CDC42BPA: variants seen among roughly 807,000 people sequenced by gnomAD.
CDC42BPA encodes serine/threonine-protein kinase MRCK alpha.
In CDC42BPA, 80 loss-of-function variants were observed where a neutral mutation model predicts 223.5. The ratio of observed to expected loss-of-function variants is 0.36; its 90% CI spans 0.30 to 0.43. The LOEUF (loss-of-function observed/expected upper bound fraction) is 0.43. Ranked by LOEUF, CDC42BPA falls within the 20% of genes least tolerant of loss-of-function variation. The pLI, the probability that CDC42BPA is intolerant of heterozygous loss-of-function variation, is 1.00. For missense variants in CDC42BPA, 1,743 were observed against 2,099.9 expected, an observed-to-expected ratio of 0.83 and a Z score of 3.32; for synonymous variants, 694 against 718.6, an observed-to-expected ratio of 0.97 and a Z score of 0.55.
chr1:227,261,124 C>CTTTTTTTTT (rs386369874), intron 1 of CDC42BPA, among the ~76,000 whole-genome samples: 24 of 121,024 alleles, frequency 2.0e-4, no homozygotes, highest in South Asian at 8.3e-4. Flanking sequence ...TTGAGTTTTT[C>CTTTTTTTTT]TTTTTTTTTG....
intron 2 of CDC42BPA, among the ~76,000 whole-genome samples, chr1:227,224,641 AT>A (rs768889176): frequency 2.6e-5 from 4 of 152,234 alleles, no homozygotes; most frequent in African/African-American, 4.8e-5. Flanking sequence ...AAGAAAAAAA[AT>A]AACTCTTTTA....
Position 226,990,572 on chromosome 1 carries a change from A to G in CDC42BPA, c.*3696T>C, listed in dbSNP as rs1660626565. 6.6e-6 allele frequency: 1 copy of G among 152,228 alleles called. No individual in the cohort carries two copies. The highest frequency in any genetic ancestry group is 2.4e-5 in the African/African-American group (1 of 41,412). The allele number at this position is 152,228 out of a possible 1,614,324, so 9.4% of individuals were successfully genotyped here. ...CTGCTCTGAGCGCCCCTCTGTCTAG[A>G]TTGGATGGGGAGCCTTAGGCTTGGC... is the stretch of plus-strand genomic sequence containing the variant. On this transcript the variant is annotated 3_prime_UTR_variant, in exon 37 of 37. Coordinates refer to ENST00000366766, the MANE Select transcript of CDC42BPA (RefSeq NM_001394014.1).
At chr1:227,141,065 C>G (rs1329376711) in intron 9 of CDC42BPA, among the ~76,000 whole-genome samples, 1 of 152,120 alleles carries the variant, frequency 6.6e-6, no homozygotes, top group African/African-American at 2.4e-5. Flanking sequence ...AAGTATGGAG[C>G]TGTGGCAAAT....
intron 2 of CDC42BPA, among the ~76,000 whole-genome samples, chr1:227,249,814 A>T (rs2670447): frequency 0.097 from 14,827 of 152,136 alleles, 1,139 homozygotes; most frequent in East Asian, 0.36. Context: ...GCTGGTGAGG[A>T]TGTGGAGAAA....
intron 5 of CDC42BPA, among the ~76,000 whole-genome samples, chr1:227,163,881 CG>C (rs964582147): frequency 6.6e-6 from 1 of 151,646 alleles, no homozygotes; most frequent in African/African-American, 2.4e-5. Context: ...TTAAATCTAC[CG>C]GGGATTAATT....
Position 226,994,225 on chromosome 1 carries a change from G to A in CDC42BPA, c.*43C>T. ...AAGAGATGAAAGTGAGAGGAGGCGA[G>A]TGGCAGGGAGCGGAGAGCGAGAGGT... is the stretch of plus-strand genomic sequence containing the variant. On this transcript the variant is annotated 3_prime_UTR_variant, in exon 37 of 37. Transcript: ENST00000366766. The surrounding 1 kb of genome is among the most constrained non-coding windows in gnomAD (Gnocchi z 4.0). The A allele has an allele frequency of 1.3e-6, 2 of 1,543,510 alleles. No homozygotes were observed. Among genetic ancestry groups the A allele is most frequent in the Non-Finnish European group, 1.8e-6 (2 of 1,141,216 alleles).
At chr1:227,186,634 C>T (rs1668816614) in intron 5 of CDC42BPA, among the ~76,000 whole-genome samples, 1 of 152,182 alleles carries the variant, frequency 6.6e-6, no homozygotes, top group African/African-American at 2.4e-5. Flanking sequence ...TGGCCCCTTA[C>T]CAACACATAC....
chr1:227,228,799 T>C (rs1000735018), intron 2 of CDC42BPA, among the ~76,000 whole-genome samples: 1 of 152,218 alleles, frequency 6.6e-6, no homozygotes, highest in African/African-American at 2.4e-5. Flanking sequence ...CATCTTTTCA[T>C]GTACATATTG....
chr1:227,120,803 A>G (rs1325212221), intron 11 of CDC42BPA, among the ~76,000 whole-genome samples: 1 of 152,156 alleles, frequency 6.6e-6, no homozygotes, highest in African/African-American at 2.4e-5. Context: ...TATTACTCTA[A>G]GTCAGCAATA....
intron 5 of CDC42BPA, among the ~76,000 whole-genome samples, chr1:227,180,825 T>G (rs1433375825): frequency 1.3e-5 from 2 of 152,202 alleles, no homozygotes; most frequent in African/African-American, 4.8e-5. Flanking sequence ...GTGTCTTAAA[T>G]CATTAGCATT....
chr1:227,283,990 GA>G (rs1220117842), intron 1 of CDC42BPA, among the ~76,000 whole-genome samples: 2 of 152,148 alleles, frequency 1.3e-5, no homozygotes, highest in African/African-American at 4.8e-5. Context: ...CCAAGAGGTG[GA>G]GTGGGCTGCA....
intron 1 of CDC42BPA, among the ~76,000 whole-genome samples, chr1:227,303,163 T>C (rs1045223190): frequency 6.6e-6 from 1 of 152,216 alleles, no homozygotes; most frequent in South Asian, 2.1e-4. Flanking sequence ...AACTAAAACA[T>C]GATGTGAAGC....
At chr1:227,121,793 C>CT (rs1049096100) in intron 11 of CDC42BPA, among the ~76,000 whole-genome samples, 35 of 142,110 alleles carry the variant, frequency 2.5e-4, no homozygotes, top group Non-Finnish European at 4.3e-4. Context: ...CCAACAATTT[C>CT]TTTTTTTTCT....
chr1:227,068,431 C>T (rs1677553024), intron 21 of CDC42BPA: 1 of 161,668 alleles, frequency 6.2e-6, no homozygotes, highest in African/African-American at 2.4e-5. Context: ...TACTGGGATT[C>T]TACAACAGTC....
chr1:227,224,166 C>G lies in CDC42BPA; in HGVS notation c.271-10947G>C, dbSNP rs540392222. On this transcript the variant is annotated intron_variant, in intron 2 of 36. Coordinates refer to ENST00000366766, the MANE Select transcript of CDC42BPA (RefSeq NM_001394014.1). ...ATTAATAGTTTATAGGACTCCAATT[C>G]CTGCAGAATAAAGGTCCTTAGCATA... is the stretch of plus-strand genomic sequence containing the variant. Among the ~76,000 whole-genome samples the G allele has an allele frequency of 7.3e-5, 11 of 150,640 alleles. No individual in the cohort carries two copies. The South Asian group carries it at 2.3e-3, about 32-fold the overall frequency.
At chr1:227,210,125 T>G (rs1673608997) in intron 3 of CDC42BPA, among the ~76,000 whole-genome samples, 2 of 152,244 alleles carry the variant, frequency 1.3e-5, no homozygotes, top group South Asian at 4.1e-4. Context: ...CTATCGTTGT[T>G]GGACATTTGG....
At chr1:227,208,767 T>C (rs1473335691) in intron 3 of CDC42BPA, among the ~76,000 whole-genome samples, 2 of 152,134 alleles carry the variant, frequency 1.3e-5, no homozygotes, top group Non-Finnish European at 2.9e-5. Context: ...AGCCTTGTAG[T>C]ATAGTTTGAA....
At chr1:227,212,667 G>C (rs1223779672) in intron 3 of CDC42BPA, among the ~76,000 whole-genome samples, 2 of 152,064 alleles carry the variant, frequency 1.3e-5, no homozygotes, top group African/African-American at 4.8e-5. Flanking sequence ...TCCATTACTA[G>C]ATTTTACTAC....
chr1:227,172,796 G>T (rs2149948091), intron 5 of CDC42BPA, among the ~76,000 whole-genome samples: 1 of 152,204 alleles, frequency 6.6e-6, no homozygotes, highest in Non-Finnish European at 1.5e-5. Context: ...CAAATTTATA[G>T]AATTATTTTA....
Sources: allele counts gnomAD v4.1 joint callset (sites outside exome capture counted in the v4.1 genomes callset), GRCh38; gene constraint gnomAD v4.1.1; non-coding constraint Gnocchi (gnomAD v3.1); transcripts MANE v1.5; gene names NCBI Gene and HGNC (gene_info 2026-07-23, HGNC 2026-07-21).